MIPOL1: variants seen among roughly 807,000 people sequenced by gnomAD.
The protein encoded by MIPOL1 is mirror-image polydactyly gene 1 protein.
Under a neutral mutation model 60.9 loss-of-function variants are expected in MIPOL1, and 57 were observed. The ratio of observed to expected loss-of-function variants is 0.94; its 90% CI spans 0.76 to 1.17. MIPOL1 has a LOEUF of 1.17. Ranked by LOEUF, MIPOL1 falls within the 50% of genes most tolerant of loss-of-function variation. The pLI is 0.00. For missense variants in MIPOL1, 551 were observed against 511.6 expected (o/e 1.08, Z -0.74); for synonymous variants, 179 against 168.8 (o/e 1.06, Z -0.47).
In MIPOL1 at chr14:37,512,942, T is replaced by C. The variant is rs540526030; in HGVS notation, c.1262+12804T>C. 7.2e-5 allele frequency among the ~76,000 whole-genome samples: 11 copies of C among 152,258 alleles called. No individual in the cohort carries two copies. The South Asian group carries it at 2.3e-3, about 32-fold the overall frequency. ...TGAAATTTAAAAGCTGTGAAATATA[T>C]GTACTTCAGCAAGTAATAAGTCGAA... is the stretch of plus-strand genomic sequence containing the variant. On this transcript the variant is annotated intron_variant, in intron 12 of 12. Coordinates refer to ENST00000684589, the MANE Select transcript of MIPOL1 (RefSeq NM_001388067.1).
intron 11 of MIPOL1, among the ~76,000 whole-genome samples, chr14:37,494,649 G>T (rs534920641): frequency 6.6e-6 from 1 of 152,216 alleles, no homozygotes; most frequent in East Asian, 1.9e-4. Context: ...TCTGCTACAT[G>T]TATTAAATTA....
chr14:37,248,615 G>GATATCT (rs559039222), intron 3 of MIPOL1, among the ~76,000 whole-genome samples: 11 of 151,712 alleles, frequency 7.3e-5, no homozygotes, highest in African/African-American at 1.7e-4. Context: ...ACAAGATACA[G>GATATCT]ATATCTATAT....
intron 9 of MIPOL1, among the ~76,000 whole-genome samples, chr14:37,366,646 T>C (rs541641368): frequency 6.6e-6 from 1 of 152,096 alleles, no homozygotes; most frequent in Non-Finnish European, 1.5e-5. Context: ...AAATGTTCCG[T>C]AACTGTCTAG....
intron 1 of MIPOL1, among the ~76,000 whole-genome samples, chr14:37,222,386 CTTTTTT>C (rs199520941): frequency 7.5e-6 from 1 of 132,974 alleles, no homozygotes; most frequent in African/African-American, 2.8e-5. Flanking sequence ...ACACACCTGG[CTTTTTT>C]TTTTTTTTTT....
At chr14:37,275,745 G>T (rs2083610164) in intron 6 of MIPOL1, among the ~76,000 whole-genome samples, 1 of 150,802 alleles carries the variant, frequency 6.6e-6, no homozygotes, top group South Asian at 2.1e-4. Flanking sequence ...TTCTTTAAAA[G>T]CCTTATTTTT....
chr14:37,407,763 A>G (rs1464755627), intron 10 of MIPOL1, among the ~76,000 whole-genome samples: 1 of 151,460 alleles, frequency 6.6e-6, no homozygotes, highest in Non-Finnish European at 1.5e-5. Context: ...ACTATTCTTA[A>G]TCATTTAATC....
chr14:37,459,714 C>A lies in MIPOL1; in HGVS notation c.1031+36765C>A, dbSNP rs577106030. ...TAGCAAAGCCAGGGAAGGACACATA[C>A]ACACAAAGAAAACTACAGGCCAACA... On this transcript the variant is annotated intron_variant, in intron 11 of 12. Transcript: ENST00000684589. 6.6e-5 allele frequency among the ~76,000 whole-genome samples: 10 copies of A among 152,258 alleles called. No homozygotes were observed. In the South Asian group the frequency reaches 2.1e-3, roughly 32 times the overall value.
At chr14:37,337,873 GT>G (rs1363702075) in intron 9 of MIPOL1, among the ~76,000 whole-genome samples, 2 of 151,860 alleles carry the variant, frequency 1.3e-5, no homozygotes, top group Non-Finnish European at 2.9e-5. Flanking sequence ...CAGCACAGAA[GT>G]TTTTTATTTT....
intron 10 of MIPOL1, among the ~76,000 whole-genome samples, chr14:37,376,549 A>C (rs1294946817): frequency 6.6e-6 from 1 of 152,046 alleles, no homozygotes; most frequent in Non-Finnish European, 1.5e-5. Flanking sequence ...CTCAAAAAAA[A>C]ATCAGGATAT....
At chr14:37,281,103 T>C (rs1002548661) in intron 6 of MIPOL1, among the ~76,000 whole-genome samples, 6 of 152,198 alleles carry the variant, frequency 3.9e-5, no homozygotes, top group Admixed American at 3.9e-4. Flanking sequence ...GTCATGGAAC[T>C]TTCCCCCTGT....
chr14:37,509,723 A>G (rs970659114), intron 12 of MIPOL1, among the ~76,000 whole-genome samples: 1 of 151,148 alleles, frequency 6.6e-6, no homozygotes, highest in Non-Finnish European at 1.5e-5. Context: ...ATGTACGTTT[A>G]TACACATGTG....
intron 11 of MIPOL1, among the ~76,000 whole-genome samples, chr14:37,466,017 T>G (rs1009136634): frequency 2.6e-5 from 4 of 152,184 alleles, no homozygotes; most frequent in African/African-American, 7.2e-5. Context: ...GCTCAACAGA[T>G]AATTTAAAAA....
intron 11 of MIPOL1, among the ~76,000 whole-genome samples, chr14:37,458,676 A>G (rs1159234376): frequency 1.3e-5 from 2 of 151,762 alleles, no homozygotes; most frequent in African/African-American, 2.4e-5. Context: ...ATACACACAC[A>G]CACATACACA....
intron 12 of MIPOL1, among the ~76,000 whole-genome samples, chr14:37,532,577 T>TAAG (rs1223929985): frequency 6.6e-6 from 1 of 152,198 alleles, no homozygotes; most frequent in African/African-American, 2.4e-5. Flanking sequence ...ACAGTCTTAC[T>TAAG]AAGAGAATAG....
chr14:37,290,487 A>G (rs1231570387), intron 7 of MIPOL1, among the ~76,000 whole-genome samples: 1 of 152,024 alleles, frequency 6.6e-6, no homozygotes, highest in African/African-American at 2.4e-5. Context: ...CAGCCTCCCA[A>G]AGTACTGGGA....
chr14:37,531,621 C>G (rs924616548), intron 12 of MIPOL1, among the ~76,000 whole-genome samples: 1 of 152,150 alleles, frequency 6.6e-6, no homozygotes. Context: ...AGGCAGATAA[C>G]TGCGTGTCAC....
At chr14:37,356,686 AC>A (rs1451035428) in intron 9 of MIPOL1, among the ~76,000 whole-genome samples, 2 of 151,970 alleles carry the variant, frequency 1.3e-5, no homozygotes, top group Non-Finnish European at 2.9e-5. Flanking sequence ...GCCGTCCGTC[AC>A]CCCTTTCTTT....
At chr14:37,471,503 G>A (rs79118819) in intron 11 of MIPOL1, among the ~76,000 whole-genome samples, 2,425 of 152,300 alleles carry the variant, frequency 0.016, 31 homozygotes, top group Non-Finnish European at 0.025. Context: ...TGTCTTATTA[G>A]AGAATGGGAA....
At chr14:37,382,940 T>A (rs1294947471) in intron 10 of MIPOL1, among the ~76,000 whole-genome samples, 1 of 151,772 alleles carries the variant, frequency 6.6e-6, no homozygotes, top group African/African-American at 2.4e-5. Context: ...AAAAGCATAT[T>A]TCCAAGATTT....
Sources: gnomAD v4.1 joint callset for allele counts (sites outside exome capture counted in the v4.1 genomes callset) on GRCh38, gnomAD v4.1.1 for gene constraint, MANE v1.5 for transcripts, NCBI Gene and HGNC (gene_info 2026-07-23, HGNC 2026-07-21) for gene names.